The following FOXO1 variants were observed in gnomAD, a reference collection of about 807,000 sequenced individuals.
FOXO1 encodes the protein forkhead box protein O1.
FOXO1 carries 6 observed loss-of-function variants against 44.1 expected under a neutral mutation model. That is an observed-to-expected ratio of 0.14 (90% confidence interval 0.07 to 0.27). FOXO1 has a LOEUF of 0.27. Among genes scored for constraint, FOXO1 ranks in the 10% least tolerant of loss-of-function variants. The pLI, the probability that FOXO1 is intolerant of heterozygous loss-of-function variation, is 1.00. For missense variants in FOXO1, 737 were observed against 888.8 expected, an observed-to-expected ratio of 0.83 and a Z score of 2.17; for synonymous variants, 380 against 362.7, an observed-to-expected ratio of 1.05 and a Z score of -0.54.
intron 1 of FOXO1, among the ~76,000 whole-genome samples, chr13:40,600,267 G>A (rs374315755): frequency 3.5e-4 from 53 of 152,336 alleles, no homozygotes; most frequent in African/African-American, 1.2e-3. Context: ...AAATGGACAC[G>A]AGAGGTGAAG....
chr13:40,606,906 C>T lies in FOXO1; in HGVS notation c.631-46046G>A, dbSNP rs148102032. On this transcript the variant is annotated intron_variant, in intron 1 of 2. Coordinates refer to ENST00000379561, the MANE Select transcript of FOXO1 (RefSeq NM_002015.4). ...TTCCTCAGTAACTTCCTTTTTCTAT[C>T]AGGTAAAGACCAAAGTCATATCATG... Among the ~76,000 whole-genome samples, 207 of 152,334 alleles carry T rather than the reference C, an allele frequency of 1.4e-3. 2 individuals are homozygous for T. Among genetic ancestry groups the T allele is most frequent in the African/African-American group, 4.7e-3 (196 of 41,578 alleles).
At chr13:40,607,226 A>C (rs1876031442) in intron 1 of FOXO1, among the ~76,000 whole-genome samples, 1 of 152,194 alleles carries the variant, frequency 6.6e-6, no homozygotes, top group Non-Finnish European at 1.5e-5. Context: ...CTTCCAGACA[A>C]AAACCGGAGG....
intron 1 of FOXO1, among the ~76,000 whole-genome samples, chr13:40,657,071 A>G (rs1360556075): frequency 1.3e-5 from 2 of 152,046 alleles, no homozygotes; most frequent in Non-Finnish European, 2.9e-5. Flanking sequence ...CTGACTTCGC[A>G]CTCAGAGAAA....
At chr13:40,582,077 G>A (rs2137852064) in intron 1 of FOXO1, among the ~76,000 whole-genome samples, 1 of 152,258 alleles carries the variant, frequency 6.6e-6, no homozygotes, top group South Asian at 2.1e-4. Context: ...TGAAATACAG[G>A]CCTACCTTAG....
intron 1 of FOXO1, among the ~76,000 whole-genome samples, chr13:40,575,277 C>T (rs1461609048): frequency 6.6e-6 from 1 of 151,976 alleles, no homozygotes; most frequent in Non-Finnish European, 1.5e-5. Context: ...GGAAGTTGAG[C>T]CTGGAATGAG....
At chr13:40,642,880 C>T (rs1877395775) in intron 1 of FOXO1, among the ~76,000 whole-genome samples, 1 of 152,136 alleles carries the variant, frequency 6.6e-6, no homozygotes, top group African/African-American at 2.4e-5. Flanking sequence ...TACACTTCAA[C>T]CTGGATGAGA....
chr13:40,599,581 C>T (rs545535851), intron 1 of FOXO1, among the ~76,000 whole-genome samples: 4 of 152,238 alleles, frequency 2.6e-5, no homozygotes, highest in Admixed American at 6.5e-5. Flanking sequence ...CAAATGGAAT[C>T]GTGTGGCATG....
At chr13:40,622,167 C>G (rs1419673151) in intron 1 of FOXO1, among the ~76,000 whole-genome samples, 2 of 152,082 alleles carry the variant, frequency 1.3e-5, no homozygotes, top group African/African-American at 4.8e-5. Flanking sequence ...AAAGTGCAAA[C>G]AATTCTTTGG....
chr13:40,616,230 C>T (rs1420089044), intron 1 of FOXO1, among the ~76,000 whole-genome samples: 1 of 151,840 alleles, frequency 6.6e-6, no homozygotes, highest in Admixed American at 6.6e-5. Flanking sequence ...GTATCTTTAG[C>T]TGAGACAAGA....
At chr13:40,564,831 CCCCACTCACA>C (rs1874200262) in intron 1 of FOXO1, among the ~76,000 whole-genome samples, 2 of 151,914 alleles carry the variant, frequency 1.3e-5, no homozygotes, top group Admixed American at 6.6e-5. Context: ...TTCTCTGCAG[CCCCACTCACA>C]AGCCTCTGCA....
chr13:40,658,994 T>C (rs747355050), intron 1 of FOXO1, among the ~76,000 whole-genome samples: 19 of 144,088 alleles, frequency 1.3e-4, no homozygotes, highest in Non-Finnish European at 2.9e-4. Context: ...CCTGGATGAC[T>C]GAGCAAGACT....
chr13:40,646,354 T>G (rs1434177958), intron 1 of FOXO1, among the ~76,000 whole-genome samples: 2 of 150,998 alleles, frequency 1.3e-5, no homozygotes, highest in African/African-American at 4.9e-5. Context: ...TGCTAATTTT[T>G]GTATTTTTAC....
intron 1 of FOXO1, among the ~76,000 whole-genome samples, chr13:40,599,801 C>A (rs1247196767): frequency 1.3e-5 from 2 of 152,080 alleles, no homozygotes; most frequent in African/African-American, 4.8e-5. Flanking sequence ...TGATGCCCAG[C>A]AAAAGGATTT....
At chr13:40,577,818 CAG>C (rs34053209) in intron 1 of FOXO1, among the ~76,000 whole-genome samples, 27,454 of 152,052 alleles carry the variant, frequency 0.18, 2,994 homozygotes, top group Non-Finnish European at 0.26. Context: ...ACAGAATGAA[CAG>C]AAGAGGAGAA....
chr13:40,663,992 C>T (rs1395080126), intron 1 of FOXO1, among the ~76,000 whole-genome samples: 12 of 152,152 alleles, frequency 7.9e-5, no homozygotes, highest in Non-Finnish European at 1.5e-5. Context: ...GTGTTTAGCT[C>T]GGCCGGGAAC....
Position 40,558,282 on chromosome 13 carries a change from G to C in FOXO1, c.*767C>G, listed in dbSNP as rs753262908. On this transcript the variant is annotated 3_prime_UTR_variant, in exon 3 of 3. Transcript: ENST00000379561. ...ATATCTATTCCAAAAATGTTCTTAA[G>C]TCCCAACAATAACATCAAAAATCAT... 1 of 152,512 alleles carries C rather than the reference G, an allele frequency of 6.6e-6. No individual in the cohort carries two copies. 9.4% of individuals were successfully genotyped at this position (152,512 alleles called of 1,614,324 possible). A position where few individuals can be genotyped will look rare whatever the true frequency, so the allele number is the denominator to read the frequency against.
At chr13:40,562,193 CAACT>C (rs1874054611) in intron 1 of FOXO1, among the ~76,000 whole-genome samples, 1 of 152,072 alleles carries the variant, frequency 6.6e-6, no homozygotes, top group African/African-American at 2.4e-5. Context: ...CAGGATGCAC[CAACT>C]AACTCCATGA....
intron 1 of FOXO1, among the ~76,000 whole-genome samples, chr13:40,587,514 T>C (rs551090088): frequency 2.1e-4 from 32 of 152,292 alleles, no homozygotes; most frequent in Non-Finnish European, 3.8e-4. Context: ...TACCCTTGCT[T>C]GAGGAGTCAA....
intron 1 of FOXO1, among the ~76,000 whole-genome samples, chr13:40,608,694 T>C (rs2137888104): frequency 6.6e-6 from 1 of 152,358 alleles, no homozygotes; most frequent in Middle Eastern, 3.4e-3. Context: ...CAGATTCTCT[T>C]CAGAAAAGAA....
Sources: allele counts gnomAD v4.1 joint callset (sites outside exome capture counted in the v4.1 genomes callset), GRCh38; gene constraint gnomAD v4.1.1; transcripts MANE v1.5; gene names NCBI Gene and HGNC (gene_info 2026-07-23, HGNC 2026-07-21).